SLC26A5: variants seen among roughly 807,000 people sequenced by gnomAD.
SLC26A5 encodes the protein prestin.
A neutral mutation model predicts 81.0 loss-of-function variants in SLC26A5; 51 were observed. That is an observed-to-expected ratio of 0.63 (90% CI 0.50 to 0.80). The LOEUF (loss-of-function observed/expected upper bound fraction) is 0.80, where lower values mean the gene tolerates loss of function less well. Ranked by LOEUF, SLC26A5 falls within the 30% of genes least tolerant of loss-of-function variation. The probability of loss-of-function intolerance (pLI) is 0.00; values close to 1 mark genes in which losing one functional copy is unlikely to be tolerated. For missense variants in SLC26A5, 771 were observed against 905.8 expected (o/e 0.85, Z 1.91); for synonymous variants, 325 against 332.8 (o/e 0.98, Z 0.25).
intron 9 of SLC26A5, among the ~76,000 whole-genome samples, chr7:103,394,279 A>G (rs1822909761): frequency 6.6e-6 from 1 of 152,236 alleles, no homozygotes; most frequent in South Asian, 2.1e-4. Context: ...CAGCACTCCC[A>G]TTACATAGGT....
intron 2 of SLC26A5, among the ~76,000 whole-genome samples, chr7:103,426,564 C>T (rs1825722972): frequency 6.6e-6 from 1 of 152,130 alleles, no homozygotes; most frequent in East Asian, 1.9e-4. Context: ...GGAGACGATT[C>T]TCAAATATTT....
At chr7:103,358,417 G>A (rs113712432) in intron 19 of SLC26A5, among the ~76,000 whole-genome samples, 3 of 152,140 alleles carry the variant, frequency 2.0e-5, no homozygotes, top group African/African-American at 7.2e-5. Flanking sequence ...CGTTTTCTTG[G>A]ACCCTTATTC....
intron 7 of SLC26A5, among the ~76,000 whole-genome samples, chr7:103,408,763 C>T (rs1824259677): frequency 6.6e-6 from 1 of 152,040 alleles, no homozygotes; most frequent in Non-Finnish European, 1.5e-5. Flanking sequence ...GGAAAGGAAC[C>T]TAGGAGAACT....
At chr7:103,404,598 C>G (rs908465803) in intron 8 of SLC26A5, among the ~76,000 whole-genome samples, 2 of 152,214 alleles carry the variant, frequency 1.3e-5, no homozygotes, top group African/African-American at 4.8e-5. Context: ...ACCTTTCTCT[C>G]TGGCTGCCCT....
chr7:103,396,585 A>C (rs754014651), intron 9 of SLC26A5, among the ~76,000 whole-genome samples: 3 of 152,224 alleles, frequency 2.0e-5, no homozygotes, highest in South Asian at 2.1e-4. Flanking sequence ...CGAAAAGACA[A>C]ATGCTGTATG....
chr7:103,392,128 T>C (rs369494127), intron 10 of SLC26A5, among the ~76,000 whole-genome samples: 56 of 152,370 alleles, frequency 3.7e-4, no homozygotes, highest in African/African-American at 1.3e-3. Context: ...AATGAGTACA[T>C]GCCAGTGTCT....
At chr7:103,387,989 G>C (rs1451605278) in intron 14 of SLC26A5, among the ~76,000 whole-genome samples, 2 of 151,900 alleles carry the variant, frequency 1.3e-5, no homozygotes, top group Admixed American at 1.3e-4. Context: ...GCCAGTCCAG[G>C]CTATTTCTAT....
chr7:103,372,547 G>A (rs1166190780), downstream of SLC26A5, among the ~76,000 whole-genome samples: 1 of 152,134 alleles, frequency 6.6e-6, no homozygotes, highest in African/African-American at 2.4e-5. Context: ...TGGTTTAAAG[G>A]TATCCTCCTC....
chr7:103,421,611 A>C (rs1428532719), intron 2 of SLC26A5, 44 bp from the exon 3 acceptor site: 6 of 1,322,044 alleles, frequency 4.5e-6, no homozygotes, highest in Non-Finnish European at 6.4e-6. Flanking sequence ...CCAAAATCCT[A>C]CTGATGACTT....
At chr7:103,373,669 G>C (rs1363521070), downstream of SLC26A5, among the ~76,000 whole-genome samples, 2 of 152,100 alleles carry the variant, frequency 1.3e-5, no homozygotes, top group African/African-American at 4.8e-5. Context: ...GGACAATTGG[G>C]GAAATTTAAA....
intron 8 of SLC26A5, among the ~76,000 whole-genome samples, chr7:103,405,877 C>T (rs1824007550): frequency 6.6e-6 from 1 of 152,150 alleles, no homozygotes; most frequent in South Asian, 2.1e-4. Flanking sequence ...ATGCCCTGCC[C>T]AGAGAGGAGG....
At chr7:103,420,289 CT>C (rs35755959) in intron 4 of SLC26A5, among the ~76,000 whole-genome samples, 7,144 of 90,732 alleles carry the variant, frequency 0.079, 40 homozygotes, top group East Asian at 0.12. Context: ...ATCCCTGGAG[CT>C]TTTTTTTTTT....
At chr7:103,437,727 A>G (rs995115352) in intron 2 of SLC26A5, among the ~76,000 whole-genome samples, 1 of 152,330 alleles carries the variant, frequency 6.6e-6, no homozygotes, top group Non-Finnish European at 1.5e-5. Flanking sequence ...TGGAATCTAA[A>G]AAACTCACAG....
At chr7:103,424,555 C>T (rs1488305567) in intron 2 of SLC26A5, among the ~76,000 whole-genome samples, 3 of 152,172 alleles carry the variant, frequency 2.0e-5, no homozygotes, top group Non-Finnish European at 4.4e-5. Flanking sequence ...TAGACATCAT[C>T]TTCTTAGTCT....
At position 103,376,861 on chromosome 7, in the gene SLC26A5, A is replaced by G; in HGVS notation, c.1988T>C (p.Ile663Thr). 6.3e-7 allele frequency: 1 copy of G among 1,588,546 alleles called. No individual in the cohort carries two copies. The highest frequency in any genetic ancestry group is 8.6e-7 in the Non-Finnish European group (1 of 1,157,218). ...DSVGVKTLAG[I>T]VKEYGDVGIY... ...ACCGACGTCTCCATATTCTTTTACA[A>G]TCTGTAATAATGTTGAAATAAAATT... The change falls in exon 19 of 20, where the codon ATT becomes ACT. Residue 663 changes from isoleucine to threonine, a missense_variant and splice_region_variant. Physicochemically the swap from Ile to Thr is moderately conservative, Grantham distance 89. Transcript: ENST00000306312.
intron 19 of SLC26A5, chr7:103,353,782 G>A (rs893108260): frequency 4.2e-6 from 3 of 714,418 alleles, no homozygotes; most frequent in East Asian, 2.7e-5. Flanking sequence ...GATTGAATAT[G>A]TATCATCATA....
chr7:103,394,167 C>T (rs150922718), intron 9 of SLC26A5, among the ~76,000 whole-genome samples: 59 of 152,246 alleles, frequency 3.9e-4, no homozygotes, highest in Admixed American at 5.9e-4. Flanking sequence ...TGTTTCACAT[C>T]GTGAAGTAAG....
chr7:103,393,168 A>G (rs1822812154), intron 9 of SLC26A5, 102 bp from the exon 10 acceptor site: 2 of 1,388,564 alleles, frequency 1.4e-6, no homozygotes, highest in Non-Finnish European at 2.0e-6. Context: ...TTATCTGCAA[A>G]TGAAGTAATC....
intron 8 of SLC26A5, among the ~76,000 whole-genome samples, chr7:103,403,684 G>A (rs1823785843): frequency 6.8e-6 from 1 of 148,028 alleles, no homozygotes; most frequent in African/African-American, 2.5e-5. Flanking sequence ...GACTAGAACT[G>A]CAATCCCCTG....
Sources: gnomAD v4.1 joint callset for allele counts (sites outside exome capture counted in the v4.1 genomes callset) on GRCh38, gnomAD v4.1.1 for gene constraint, MANE v1.5 for transcripts, NCBI Gene and HGNC (gene_info 2026-07-23, HGNC 2026-07-21) for gene names.